The following HNRNPM variants were observed in gnomAD, a reference collection of about 807,000 sequenced individuals.
HNRNPM encodes the protein CEA receptor.
HNRNPM carries 11 observed loss-of-function variants against 73.1 expected under a neutral mutation model. The observed-to-expected ratio is 0.15, with a 90% CI of 0.09 to 0.25. HNRNPM has a LOEUF of 0.25. Among genes scored for constraint, HNRNPM ranks in the 10% least tolerant of loss-of-function variants. The pLI is 1.00. For missense variants in HNRNPM, 789 were observed against 1,067.9 expected (o/e 0.74, Z 3.64); for synonymous variants, 407 against 355.2 (o/e 1.15, Z -1.64).
intron 1 of HNRNPM, among the ~76,000 whole-genome samples, chr19:8,452,810 CAA>C (rs1968721400): frequency 6.6e-6 from 1 of 152,176 alleles, no homozygotes. Context: ...GGGGACTACA[CAA>C]AGTTGCTGAC....
chr19:8,470,497 T>TG (rs1182969022), intron 9 of HNRNPM, among the ~76,000 whole-genome samples: 4,568 of 151,576 alleles, frequency 0.03, 241 homozygotes, highest in African/African-American at 0.1. Flanking sequence ...GGCTAATTTT[T>TG]TTTTTTTTTT....
chr19:8,470,607 C>T (rs145006654), intron 9 of HNRNPM, among the ~76,000 whole-genome samples: 22 of 152,258 alleles, frequency 1.4e-4, no homozygotes, highest in African/African-American at 1.7e-4. Context: ...GGATTTCAGG[C>T]GTGAGCCACT....
rs905877981 is a variant in HNRNPM at position 8,466,502 on chromosome 19, T to G, written c.784+114T>G. The G allele has an allele frequency of 4.7e-6, 5 of 1,061,062 alleles. No individual in the cohort carries two copies. The African/African-American group carries it at 7.8e-5, about 17-fold the overall frequency. The allele number at this position is 1,061,062 out of a possible 1,614,324, so 65.7% of individuals were successfully genotyped here. A position where few individuals can be genotyped will look rare whatever the true frequency, so the allele number is the denominator to read the frequency against. On this transcript the variant is annotated intron_variant, in intron 7 of 15. Coordinates refer to ENST00000325495, the MANE Select transcript of HNRNPM (RefSeq NM_005968.5). ...TGTGTATTCATGTTTTTTATGTGAC[T>G]AGGGGGAGTGCATTACTGTGGAATT...
intron 2 of HNRNPM, among the ~76,000 whole-genome samples, chr19:8,461,527 TCAG>T (rs1969396114): frequency 6.6e-6 from 1 of 152,218 alleles, no homozygotes; most frequent in Non-Finnish European, 1.5e-5. Flanking sequence ...ATCTTCAAGT[TCAG>T]CAGCCATTTT....
chr19:8,478,034 G>A (rs1054632097), intron 12 of HNRNPM, among the ~76,000 whole-genome samples: 1 of 152,144 alleles, frequency 6.6e-6, no homozygotes, highest in Non-Finnish European at 1.5e-5. Context: ...TTTGGGGTAG[G>A]GCATGTGTTG....
intron 1 of HNRNPM, among the ~76,000 whole-genome samples, chr19:8,449,294 G>C (rs78619272): frequency 1.3e-4 from 20 of 151,998 alleles, no homozygotes; most frequent in South Asian, 2.1e-4. Context: ...TTTTTGGGAG[G>C]GGGGGTTCTC....
intron 1 of HNRNPM, among the ~76,000 whole-genome samples, chr19:8,452,221 C>T (rs1227776871): frequency 2.6e-5 from 4 of 152,268 alleles, no homozygotes; most frequent in South Asian, 2.1e-4. Flanking sequence ...TTATACATTT[C>T]GTAGTTTATA....
At position 8,467,492 on chromosome 19, in the gene HNRNPM, A is replaced by C. The variant is rs141994241; in HGVS notation, c.785-43A>C. 67 of 1,481,850 alleles carry C rather than the reference A, an allele frequency of 4.5e-5. No individual in the cohort carries two copies. In the African/African-American group the frequency reaches 7.2e-4, roughly 16 times the overall value. The allele number at this position is 1,481,850 out of a possible 1,614,324, so 91.8% of individuals were successfully genotyped here. A position where few individuals can be genotyped will look rare whatever the true frequency, so the allele number is the denominator to read the frequency against. ...CTTTCTTTTTGTATTTCTCTTGTGC[A>C]CATTTTTAGAATTGCAAGAAATAGC... is the stretch of plus-strand genomic sequence containing the variant. On this transcript the variant is annotated intron_variant, in intron 7 of 15. Coordinates refer to ENST00000325495, the MANE Select transcript of HNRNPM (RefSeq NM_005968.5).
intron 1 of HNRNPM, among the ~76,000 whole-genome samples, chr19:8,447,568 G>T (rs1256192373): frequency 6.6e-6 from 1 of 152,050 alleles, no homozygotes; most frequent in Non-Finnish European, 1.5e-5. Flanking sequence ...AAAGAGCAGA[G>T]ATTTGAGTGT....
chr19:8,456,308 GGTGTCC>G (rs1348788532), intron 2 of HNRNPM, among the ~76,000 whole-genome samples: 1 of 152,148 alleles, frequency 6.6e-6, no homozygotes, highest in Non-Finnish European at 1.5e-5. Flanking sequence ...TGCACACTGT[GGTGTCC>G]TCTCTCTCTC....
intron 12 of HNRNPM, among the ~76,000 whole-genome samples, chr19:8,479,186 A>G (rs1412257556): frequency 1.4e-5 from 2 of 142,454 alleles, no homozygotes; most frequent in Non-Finnish European, 3.0e-5. Flanking sequence ...CCCGGTTTCA[A>G]GTGGTTCTCC....
At chr19:8,466,762 G>T (rs1435995418) in intron 7 of HNRNPM, among the ~76,000 whole-genome samples, 1 of 141,126 alleles carries the variant, frequency 7.1e-6, no homozygotes, top group Non-Finnish European at 1.5e-5. Context: ...GGAGGTGGAG[G>T]TTGCAGTGAG....
chr19:8,465,224 A>G (rs1202541733), intron 5 of HNRNPM, 100 bp from the exon 6 acceptor site: 4 of 956,076 alleles, frequency 4.2e-6, no homozygotes, highest in South Asian at 3.7e-5. Context: ...TTTCCAAACA[A>G]CCTTTCAGTT....
At chr19:8,474,395 C>A (rs908954564) in intron 12 of HNRNPM, 151 bp downstream of exon 12, 12 of 518,580 alleles carry the variant, frequency 2.3e-5, no homozygotes, top group Non-Finnish European at 3.4e-5. Context: ...TTAAATATTT[C>A]AAAAACTAGA....
intron 9 of HNRNPM, among the ~76,000 whole-genome samples, chr19:8,470,481 A>C (rs946680365): frequency 3.3e-5 from 5 of 150,928 alleles, no homozygotes; most frequent in African/African-American, 1.2e-4. Flanking sequence ...ATGTGCCACC[A>C]TGCCAGGCTA....
chr19:8,481,056 T>G (rs1437105117), intron 12 of HNRNPM, among the ~76,000 whole-genome samples: 2 of 152,338 alleles, frequency 1.3e-5, no homozygotes, highest in Non-Finnish European at 1.5e-5. Context: ...TCCTTTGCCA[T>G]GAGAGGTGAA....
intron 2 of HNRNPM, among the ~76,000 whole-genome samples, chr19:8,457,505 T>G (rs1431516535): frequency 6.6e-6 from 1 of 152,238 alleles, no homozygotes; most frequent in Non-Finnish European, 1.5e-5. Context: ...TCAGTTATTT[T>G]TAATGAGCCT....
At position 8,463,697 on chromosome 19, in the gene HNRNPM, G is replaced by A. The variant is rs1192445600; in HGVS notation, c.438+11G>A. On this transcript the variant is annotated intron_variant, in intron 5 of 15. Coordinates refer to ENST00000325495, the MANE Select transcript of HNRNPM (RefSeq NM_005968.5). ...CTGAAAGTCAAAGAAGTAAGCTCTTGCTTAACACTGCGGATACTGTGTGTA... is the reference window on the plus strand; with the variant it reads ...CTGAAAGTCAAAGAAGTAAGCTCTTACTTAACACTGCGGATACTGTGTGTA... 1 of 1,542,996 alleles carries A rather than the reference G, an allele frequency of 6.5e-7. No individual in the cohort carries two copies. Among genetic ancestry groups the A allele is most frequent in the Admixed American group, 1.7e-5 (1 of 59,870 alleles).
intron 8 of HNRNPM, among the ~76,000 whole-genome samples, chr19:8,468,031 A>G: frequency 6.6e-6 from 1 of 151,996 alleles, no homozygotes; most frequent in East Asian, 1.9e-4. Context: ...TGTCTCAAGA[A>G]AAAAAAAGAA....
Sources: gnomAD v4.1 joint callset for allele counts (sites outside exome capture counted in the v4.1 genomes callset) on GRCh38, gnomAD v4.1.1 for gene constraint, MANE v1.5 for transcripts, NCBI Gene and HGNC (gene_info 2026-07-23, HGNC 2026-07-21) for gene names.